The following CAPN2 variants were observed in gnomAD, a reference collection of about 807,000 sequenced individuals.
The protein encoded by CAPN2 is calpain-2 catalytic subunit.
Under a neutral mutation model 102.3 loss-of-function variants are expected in CAPN2, and 92 were observed. That is an observed-to-expected ratio of 0.90 (90% CI 0.76 to 1.07). The LOEUF (loss-of-function observed/expected upper bound fraction) is 1.07, where lower values mean the gene tolerates loss of function less well. CAPN2 is among the 50% of genes least tolerant of loss of function. The probability of loss-of-function intolerance (pLI) is 0.00; values close to 1 mark genes in which losing one functional copy is unlikely to be tolerated. For synonymous variants in CAPN2, 340 were observed against 355.4 expected, an observed-to-expected ratio of 0.96 and a Z score of 0.49; for missense variants, 800 against 909.4, an observed-to-expected ratio of 0.88 and a Z score of 1.55.
intron 1 of CAPN2, among the ~76,000 whole-genome samples, chr1:223,705,512 T>C (rs1258817697): frequency 2.6e-5 from 4 of 152,198 alleles, no homozygotes; most frequent in Non-Finnish European, 1.5e-5. Flanking sequence ...ATGTGGATGG[T>C]AGATGGCATT....
chr1:223,735,159 G>A (rs1396428767), intron 2 of CAPN2, among the ~76,000 whole-genome samples: 2 of 152,132 alleles, frequency 1.3e-5, no homozygotes, highest in Admixed American at 1.3e-4. Context: ...TCACAGCTGA[G>A]AACACACCAG....
rs577394546 is a variant in CAPN2 at position 223,727,021 on chromosome 1, G to A, written c.307+9190G>A. Among the ~76,000 whole-genome samples the A allele has an allele frequency of 5.3e-5, 8 of 152,280 alleles. No individual in the cohort carries two copies. The highest frequency in any genetic ancestry group is 2.6e-4 in the Admixed American group (4 of 15,302). On this transcript the variant is annotated intron_variant, in intron 2 of 20. Transcript: ENST00000295006. The surrounding 1 kb of genome is among the most constrained non-coding windows in gnomAD (Gnocchi z 4.1). Reference sequence around the variant, plus strand: ...GGTTCCTTCTCCTCCCTTCCAAAGCGAAGACCCACAGCTGCCTGAAAATGT... The same window carrying A: ...GGTTCCTTCTCCTCCCTTCCAAAGCAAAGACCCACAGCTGCCTGAAAATGT...
chr1:223,755,793 C>A lies in CAPN2; in HGVS notation c.1305+144C>A. Reference sequence around the variant, plus strand: ...GGAAAAACAAAACTACCAGCCTGGCCAGGCTCAGGAGTAGCCCCCGTAGGG... The same window carrying A: ...GGAAAAACAAAACTACCAGCCTGGCAAGGCTCAGGAGTAGCCCCCGTAGGG... On this transcript the variant is annotated intron_variant, in intron 10 of 20. Transcript: ENST00000295006. This position sits in a 1 kb window ranked among gnomAD's most constrained non-coding sequence, Gnocchi z 4.1. 1.2e-6 allele frequency: 1 copy of A among 842,784 alleles called. No homozygotes were observed. Among genetic ancestry groups the A allele is most frequent in the Non-Finnish European group, 1.8e-6 (1 of 563,268 alleles). 52.2% of individuals were successfully genotyped at this position (842,784 alleles called of 1,614,324 possible).
rs765110911 is a variant in CAPN2, at chr1:223,766,399, G to C, written c.1723G>C (p.Glu575Gln). The C allele has an allele frequency of 1.2e-6, 2 of 1,613,782 alleles. No individual in the cohort carries two copies. Among genetic ancestry groups the C allele is most frequent in the Non-Finnish European group, 1.7e-6 (2 of 1,179,774 alleles). The change falls in exon 16 of 21, where the codon GAG (glutamate) becomes CAG (glutamine). Residue 575 changes from glutamate (E) to glutamine (Q), a missense_variant. Coordinates refer to ENST00000295006, the MANE Select transcript of CAPN2 (RefSeq NM_001748.5). The stretch of plus-strand genomic sequence containing the variant: ...TATCAAGTCAGATGGCTTCAGCATC[G>C]AGACATGCAAAATTATGGTTGACAT... ...QDIKSDGFSI[E>Q]TCKIMVDMLD...
upstream of CAPN2, among the ~76,000 whole-genome samples, chr1:223,708,733 T>C (rs546972593): frequency 1.3e-5 from 2 of 149,454 alleles, no homozygotes; most frequent in Admixed American, 1.3e-4. Context: ...ATTGCACCAC[T>C]GCACTCCAGC....
Position 223,766,711 on chromosome 1 carries a change from CT to C in CAPN2, c.1755+283del, listed in dbSNP as rs1661342635. Among the ~76,000 whole-genome samples, 3 of 152,294 alleles carry C rather than the reference CT, an allele frequency of 2.0e-5. No homozygotes were observed. The South Asian group carries it at 6.2e-4, about 32-fold the overall frequency. On this transcript the variant is annotated intron_variant, in intron 16 of 20. Coordinates refer to ENST00000295006, the MANE Select transcript of CAPN2 (RefSeq NM_001748.5). The stretch of plus-strand genomic sequence containing the variant: ...GTGGCTCATGCCTGTAATCCCAGCA[CT>C]TTGGAAGGCCAAGGTGGGCCTCCTG...
At chr1:223,703,554 C>T (rs1659532584) in intron 1 of CAPN2, among the ~76,000 whole-genome samples, 1 of 152,214 alleles carries the variant, frequency 6.6e-6, no homozygotes, top group African/African-American at 2.4e-5. Flanking sequence ...CCCAGAATCC[C>T]CACTGGGTTG....
chr1:223,758,970 C>T (rs891329322), intron 11 of CAPN2: 23 of 397,198 alleles, frequency 5.8e-5, no homozygotes, highest in African/African-American at 3.5e-4. Flanking sequence ...GTATTACAGG[C>T]GTGAGCCACC....
intron 8 of CAPN2, 81 bp from the exon 9 acceptor site, chr1:223,752,715 C>T (rs1441829250): frequency 1.4e-6 from 2 of 1,423,674 alleles, no homozygotes; most frequent in Middle Eastern, 1.8e-4. Flanking sequence ...TTGGGTGGCT[C>T]CTGGTCTGGT....
At position 223,759,508 on chromosome 1, in the gene CAPN2, C is replaced by T. The variant is rs755330828; in HGVS notation, c.1529+27C>T. On this transcript the variant is annotated intron_variant, in intron 12 of 20. Coordinates refer to ENST00000295006, the MANE Select transcript of CAPN2 (RefSeq NM_001748.5). This position sits in a 1 kb window ranked among gnomAD's most constrained non-coding sequence, Gnocchi z 4.6. ...TAGGCGGTTTGGTCCCTTCCTCTCCCCACCCTTCCCTGTCCCTCCCCACTG... is the reference window on the plus strand; with the variant it reads ...TAGGCGGTTTGGTCCCTTCCTCTCCTCACCCTTCCCTGTCCCTCCCCACTG... 36 of 1,592,014 alleles carry T rather than the reference C, an allele frequency of 2.3e-5. No homozygotes were observed. Among genetic ancestry groups the T allele is most frequent in the Non-Finnish European group, 2.9e-5 (34 of 1,161,522 alleles).
At chr1:223,729,544 C>T (rs1168371731) in intron 2 of CAPN2, among the ~76,000 whole-genome samples, 1 of 152,162 alleles carries the variant, frequency 6.6e-6, no homozygotes, top group African/African-American at 2.4e-5. Flanking sequence ...TGGTTTTATA[C>T]ATTTTAGGAG....
intron 2 of CAPN2, among the ~76,000 whole-genome samples, chr1:223,730,001 CCAAAAAACCAAAAAAAAAAAAAAAAAA>C (rs1660293987): frequency 9.3e-6 from 1 of 107,156 alleles, no homozygotes; most frequent in South Asian, 3.5e-4. Flanking sequence ...AGACTCGCTC[CCAAAAAACCAAAAAAAAAAAAAAAAAA>C]AAAAAAACGA....
intron 1 of CAPN2, among the ~76,000 whole-genome samples, chr1:223,702,319 A>T (rs1449522449): frequency 6.6e-6 from 1 of 151,898 alleles, no homozygotes; most frequent in East Asian, 1.9e-4. Flanking sequence ...CCCAGCTACT[A>T]GGGAGGCTAA....
Position 223,727,289 on chromosome 1 carries a change from T to C in CAPN2, c.307+9458T>C, listed in dbSNP as rs1277864474. Among the ~76,000 whole-genome samples the C allele has an allele frequency of 6.6e-6, 1 of 152,228 alleles. No homozygotes were observed. The highest frequency in any genetic ancestry group is 6.5e-5 in the Admixed American group (1 of 15,282). ...GTACGATTTGAGATCCATCAGGGTTTCTCAACCTTGGCACAACTGACTGGA... is the reference window on the plus strand; with the variant it reads ...GTACGATTTGAGATCCATCAGGGTTCCTCAACCTTGGCACAACTGACTGGA... On this transcript the variant is annotated intron_variant, in intron 2 of 20. Transcript: ENST00000295006. This position sits in a 1 kb window ranked among gnomAD's most constrained non-coding sequence, Gnocchi z 4.1.
chr1:223,741,988 T>C (rs1660629460), intron 2 of CAPN2, among the ~76,000 whole-genome samples: 1 of 152,110 alleles, frequency 6.6e-6, no homozygotes, highest in African/African-American at 2.4e-5. Flanking sequence ...GATCTGTCAT[T>C]AGCGTATATA....
At chr1:223,774,178 C>T (rs923939700) in intron 20 of CAPN2, among the ~76,000 whole-genome samples, 2 of 151,980 alleles carry the variant, frequency 1.3e-5, no homozygotes, top group Admixed American at 6.6e-5. Context: ...CAGGGTCCAC[C>T]TGGCCTGCCT....
rs1260385940 is a variant in CAPN2 at position 223,754,872 on chromosome 1, C to T, written c.1136-608C>T. ...CGGAGTCCCCCAGGCCAGCCGAGCCCCGCCCCAGGCTCCCCATCAGAGCCC... is the reference window on the plus strand; with the variant it reads ...CGGAGTCCCCCAGGCCAGCCGAGCCTCGCCCCAGGCTCCCCATCAGAGCCC... On this transcript the variant is annotated intron_variant, in intron 9 of 20. Coordinates refer to ENST00000295006, the MANE Select transcript of CAPN2 (RefSeq NM_001748.5). This position sits in a 1 kb window ranked among gnomAD's most constrained non-coding sequence, Gnocchi z 4.7. Among the ~76,000 whole-genome samples the T allele has an allele frequency of 6.6e-6, 1 of 152,048 alleles. No individual in the cohort carries two copies. The highest frequency in any genetic ancestry group is 1.5e-5 in the Non-Finnish European group (1 of 68,006).
intron 4 of CAPN2, among the ~76,000 whole-genome samples, chr1:223,746,546 C>A (rs1012848984): frequency 1.4e-5 from 2 of 145,872 alleles, no homozygotes; most frequent in Non-Finnish European, 3.0e-5. Flanking sequence ...GGCATGATCT[C>A]AGCTCACTGC....
At chr1:223,714,085 C>T (rs1558058441) in intron 1 of CAPN2, among the ~76,000 whole-genome samples, 2 of 152,198 alleles carry the variant, frequency 1.3e-5, no homozygotes, top group Admixed American at 1.3e-4. Flanking sequence ...CCAACTTAGT[C>T]ACATGTTCCC....
Sources: allele counts gnomAD v4.1 joint callset (sites outside exome capture counted in the v4.1 genomes callset), GRCh38; gene constraint gnomAD v4.1.1; non-coding constraint Gnocchi (gnomAD v3.1); transcripts MANE v1.5; gene names NCBI Gene and HGNC (gene_info 2026-07-23, HGNC 2026-07-21).